FRMD4B: variants seen among roughly 807,000 people sequenced by gnomAD.
The protein encoded by FRMD4B is FERM domain containing 4B, also known as FERM domain-containing protein 4B.
FRMD4B carries 74 observed loss-of-function variants against 141.5 expected under a neutral mutation model. That is an observed-to-expected ratio of 0.52 (90% CI 0.43 to 0.63). The LOEUF (loss-of-function observed/expected upper bound fraction) is 0.63, where lower values mean the gene tolerates loss of function less well. Ranked by LOEUF, FRMD4B falls within the 30% of genes least tolerant of loss-of-function variation. FRMD4B has a pLI of 0.00. For missense variants in FRMD4B, 1,366 were observed against 1,253.4 expected (o/e 1.09, Z -1.36); for synonymous variants, 506 against 467.9 (o/e 1.08, Z -1.05).
intron 1 of FRMD4B, among the ~76,000 whole-genome samples, chr3:69,487,186 G>C (rs953544400): frequency 7.2e-5 from 11 of 152,168 alleles, no homozygotes; most frequent in African/African-American, 2.7e-4. Context: ...CTGTGCTGGA[G>C]CAGTCTCATA....
At chr3:69,476,959 T>C (rs1447303520) in intron 1 of FRMD4B, among the ~76,000 whole-genome samples, 1 of 152,156 alleles carries the variant, frequency 6.6e-6, no homozygotes, top group Non-Finnish European at 1.5e-5. Flanking sequence ...TTATTCTCTT[T>C]GAAGCAATTG....
intron 8 of FRMD4B, among the ~76,000 whole-genome samples, chr3:69,222,751 A>G (rs1257324391): frequency 6.6e-6 from 1 of 151,594 alleles, no homozygotes; most frequent in African/African-American, 2.4e-5. Context: ...AGCCTGGGCA[A>G]CAAGAGCAAA....
chr3:69,454,699 C>G lies in FRMD4B; in HGVS notation c.-128-21938G>C, dbSNP rs531916031. 2.0e-5 allele frequency among the ~76,000 whole-genome samples: 3 copies of G among 152,334 alleles called. No individual in the cohort carries two copies. In the South Asian group the frequency reaches 6.2e-4, roughly 32 times the overall value. ...AGGGGCAGGGCTTGGGACTGCAGCC[C>G]ACCATGCCTGAGCCCCGCAGTGGGC... On this transcript the variant is annotated intron_variant, in intron 1 of 5. Coordinates refer to the FRMD4B transcript ENST00000459638.
At chr3:69,409,329 T>C (rs953167412) in intron 2 of FRMD4B, among the ~76,000 whole-genome samples, 2 of 152,322 alleles carry the variant, frequency 1.3e-5, no homozygotes, top group African/African-American at 2.4e-5. Context: ...CAAGAATTCA[T>C]TTCAATTGGA....
At chr3:69,194,935 C>T (rs989792016) in intron 16 of FRMD4B, 87 bp downstream of exon 16, 68 of 1,273,934 alleles carry the variant, frequency 5.3e-5, no homozygotes, top group Non-Finnish European at 6.9e-5. Context: ...ACAGCAGAGA[C>T]TCAAAAACCA....
intron 2 of FRMD4B, among the ~76,000 whole-genome samples, chr3:69,416,659 C>G (rs138477358): frequency 1.3e-5 from 2 of 152,114 alleles, no homozygotes; most frequent in African/African-American, 4.8e-5. Flanking sequence ...GGTTTTAAGC[C>G]CTGCATGTAT....
intron 1 of FRMD4B, among the ~76,000 whole-genome samples, chr3:69,524,350 C>A (rs1700901523): frequency 6.6e-6 from 1 of 152,174 alleles, no homozygotes; most frequent in African/African-American, 2.4e-5. Context: ...CTATGTCACC[C>A]AGTTGTTAAG....
At chr3:69,368,477 C>CT (rs1559833211) in intron 1 of FRMD4B, among the ~76,000 whole-genome samples, 1 of 152,238 alleles carries the variant, frequency 6.6e-6, no homozygotes, top group Admixed American at 6.5e-5. Context: ...CATCCTCTGT[C>CT]TTTTTTCTCA....
chr3:69,248,491 G>A (rs538725112), intron 7 of FRMD4B, among the ~76,000 whole-genome samples: 1 of 152,330 alleles, frequency 6.6e-6, no homozygotes, highest in East Asian at 1.9e-4. Context: ...GACTTGGCTG[G>A]GAATGAGTGC....
At chr3:69,186,630 T>A (rs1485544387) in intron 19 of FRMD4B, among the ~76,000 whole-genome samples, 1 of 152,206 alleles carries the variant, frequency 6.6e-6, no homozygotes, top group Admixed American at 6.5e-5. Flanking sequence ...GAGAATTGCC[T>A]GAAGCCAAGA....
At chr3:69,404,788 G>A (rs1484177898) in intron 2 of FRMD4B, among the ~76,000 whole-genome samples, 1 of 152,124 alleles carries the variant, frequency 6.6e-6, no homozygotes, top group Non-Finnish European at 1.5e-5. Context: ...ACAGTCAGAT[G>A]GTTCAGAACC....
rs554760880 is a variant in FRMD4B, at chr3:69,505,895, C to T, written c.-129+36311G>A. Among the ~76,000 whole-genome samples, 74 of 152,240 alleles carry T rather than the reference C, an allele frequency of 4.9e-4. 1 individual carries two copies. Among genetic ancestry groups the T allele is most frequent in the Middle Eastern group, 6.8e-3 (2 of 294 alleles). ...CTGGTGGGTAAACACCAGGCTTAAG[C>T]CTTAGTCAGTGTGAATCCTGGATAA... On this transcript the variant is annotated intron_variant, in intron 1 of 5. Coordinates refer to the FRMD4B transcript ENST00000459638.
chr3:69,516,784 A>G (rs937053214), intron 1 of FRMD4B, among the ~76,000 whole-genome samples: 1 of 152,226 alleles, frequency 6.6e-6, no homozygotes, highest in Admixed American at 6.5e-5. Flanking sequence ...AGCAATAATT[A>G]ATCATCAGTG....
intron 1 of FRMD4B, among the ~76,000 whole-genome samples, chr3:69,500,154 T>C (rs1706468023): frequency 6.6e-6 from 1 of 152,108 alleles, no homozygotes; most frequent in Non-Finnish European, 1.5e-5. Flanking sequence ...GTCACCACTG[T>C]GGTTTGGACA....
intron 5 of FRMD4B, among the ~76,000 whole-genome samples, chr3:69,263,472 T>C (rs2093541457): frequency 6.9e-6 from 1 of 144,790 alleles, no homozygotes; most frequent in South Asian, 2.3e-4. Flanking sequence ...AGTGGTACTA[T>C]CATGGCTTAC....
chr3:69,393,314 T>A (rs1309882788), intron 2 of FRMD4B, among the ~76,000 whole-genome samples: 1 of 139,314 alleles, frequency 7.2e-6, no homozygotes, highest in Non-Finnish European at 1.6e-5. Flanking sequence ...GCTATCTATA[T>A]TGTCTGAAGA....
At chr3:69,444,644 G>A (rs1257690304) in intron 1 of FRMD4B, among the ~76,000 whole-genome samples, 1 of 152,052 alleles carries the variant, frequency 6.6e-6, no homozygotes, top group Non-Finnish European at 1.5e-5. Flanking sequence ...GTTTGTAATG[G>A]AAAAGAAAAT....
At chr3:69,485,238 A>G (rs548554776) in intron 1 of FRMD4B, among the ~76,000 whole-genome samples, 1 of 152,246 alleles carries the variant, frequency 6.6e-6, no homozygotes, top group Admixed American at 6.5e-5. Context: ...CTCCACTCAG[A>G]GATTGGAGTG....
intron 7 of FRMD4B, among the ~76,000 whole-genome samples, chr3:69,240,822 G>C (rs189748282): frequency 2.6e-5 from 4 of 152,182 alleles, no homozygotes; most frequent in Non-Finnish European, 5.9e-5. Flanking sequence ...GCTTATCAGC[G>C]GGGGAATGTA....
Sources: gnomAD v4.1 joint callset for allele counts (sites outside exome capture counted in the v4.1 genomes callset) on GRCh38, gnomAD v4.1.1 for gene constraint, MANE v1.5 for transcripts, NCBI Gene and HGNC (gene_info 2026-07-23, HGNC 2026-07-21) for gene names.